Variants in GIN1 observed in about 807,000 individuals in gnomAD.
The protein encoded by GIN1 is gypsy retrotransposon integrase-like protein 1.
Under a neutral mutation model 51.4 loss-of-function variants are expected in GIN1, and 41 were observed. That is an observed-to-expected ratio of 0.80 (90% CI 0.62 to 1.04). The LOEUF is 1.04. Ranked by LOEUF, GIN1 falls within the 50% of genes least tolerant of loss-of-function variation. The probability of loss-of-function intolerance (pLI) is 0.00; values close to 1 mark genes in which losing one functional copy is unlikely to be tolerated. For synonymous variants in GIN1, 222 were observed against 206.5 expected (o/e 1.07, Z -0.64); for missense variants, 610 against 612.4 (o/e 1.00, Z 0.04).
chr5:103,111,103 T>G (rs1404935539), intron 1 of GIN1, among the ~76,000 whole-genome samples: 1 of 152,134 alleles, frequency 6.6e-6, no homozygotes, highest in Non-Finnish European at 1.5e-5. Flanking sequence ...CGTTTCAAGT[T>G]GGGAATATAG....
rs570788180 is a variant in GIN1, at chr5:103,086,600, C to T, written c.*1298G>A. The T allele has an allele frequency of 1.3e-5, 2 of 152,308 alleles. No individual in the cohort carries two copies. The highest frequency in any genetic ancestry group is 3.9e-4 in the East Asian group (2 of 5,192). 9.4% of individuals were successfully genotyped at this position (152,308 alleles called of 1,614,324 possible). On this transcript the variant is annotated 3_prime_UTR_variant, in exon 8 of 8. Transcript: ENST00000399004. ...ATCCATTTACCAAATCCTATACATT[C>T]TTCAAGGTCAAGCTTAAATGATCCT... is the stretch of plus-strand genomic sequence containing the variant.
At chr5:103,105,610 A>G (rs948520980) in intron 3 of GIN1, among the ~76,000 whole-genome samples, 2 of 152,212 alleles carry the variant, frequency 1.3e-5, no homozygotes, top group African/African-American at 2.4e-5. Context: ...GCTGTCCTGC[A>G]GCTTTCATTT....
intron 4 of GIN1, among the ~76,000 whole-genome samples, chr5:103,103,772 T>C (rs1455662728): frequency 6.6e-6 from 1 of 152,188 alleles, no homozygotes; most frequent in Non-Finnish European, 1.5e-5. Flanking sequence ...CCTTTACCTG[T>C]CAATCATAGT....
At chr5:103,112,296 G>A (rs997124889) in intron 1 of GIN1, among the ~76,000 whole-genome samples, 10 of 145,500 alleles carry the variant, frequency 6.9e-5, no homozygotes, top group Middle Eastern at 3.5e-3. Context: ...ATTTTTATAT[G>A]GGTGAGTTGT....
At chr5:103,095,167 T>G (rs1317137135) in intron 7 of GIN1, among the ~76,000 whole-genome samples, 4 of 152,256 alleles carry the variant, frequency 2.6e-5, no homozygotes, top group African/African-American at 9.6e-5. Context: ...TTCCATTAAA[T>G]GTTACTTATA....
At chr5:103,091,993 C>A (rs1787253053) in intron 7 of GIN1, among the ~76,000 whole-genome samples, 1 of 151,816 alleles carries the variant, frequency 6.6e-6, no homozygotes, top group Non-Finnish European at 1.5e-5. Context: ...CCATTGCACT[C>A]CAGCCTGTGT....
In GIN1 at chr5:103,106,836, C is replaced by A. The variant is rs1062032; in HGVS notation, c.213G>T (p.Lys71Asn). 1 of 1,602,436 alleles carries A rather than the reference C, an allele frequency of 6.2e-7. No individual in the cohort carries two copies. The highest frequency in any genetic ancestry group is 1.1e-5 in the South Asian group (1 of 89,426). The change falls in exon 3 of 8, where the codon AAG (lysine) becomes AAT (asparagine). Residue 71 changes from lysine to asparagine, a missense_variant. Transcript: ENST00000399004. ...TTTCATGGCATTCTCTTAAGACTTT[C>A]TTTTTTTCCTCTTCTGAAACAATTA... ...RLVIVSEEEK[K>N]KVLRECHEND... is the part of the protein sequence containing the mutation.
Position 103,097,677 on chromosome 5 carries a change from T to C in GIN1, c.744A>G (p.Ala248=). The C allele has an allele frequency of 4.4e-6, 7 of 1,606,186 alleles. No individual in the cohort carries two copies. The highest frequency in any genetic ancestry group is 4.5e-5 in the East Asian group (2 of 44,834). ...GGTCAGCACAGTGTTTGGAGAGAAA[T>C]GCTTTGATTGTGTTAGGTGTACTTT... is the stretch of plus-strand genomic sequence containing the variant. ...PTESTPNTIK[A]FLSKHCADHP... Residue 248 remains alanine, a synonymous_variant, in exon 5 of 8, where the codon GCA becomes GCG. Coordinates refer to ENST00000399004, the MANE Select transcript of GIN1 (RefSeq NM_017676.2).
At position 103,088,124 on chromosome 5, in the gene GIN1, A is replaced by G. The variant is rs186614992; in HGVS notation, c.1343T>C (p.Ile448Thr). Residue 448 changes from isoleucine (I) to threonine (T), a missense_variant, in exon 8 of 8, where the codon ATT becomes ACT. By Grantham distance (89) the Ile-to-Thr change is moderately conservative. Transcript: ENST00000399004. ...TCCAATCGGAATTTCAGGCAATCCA[A>G]TGTAGTCATGATCTGCCACTACTGA... ...QGSVVADHDY[I>T]GLPEIPIGAY... 51 of 1,608,066 alleles carry G rather than the reference A, an allele frequency of 3.2e-5. No individual in the cohort carries two copies. The African/African-American group carries it at 5.5e-4, about 17-fold the overall frequency.
intron 7 of GIN1, among the ~76,000 whole-genome samples, chr5:103,091,237 G>C (rs1787229234): frequency 6.6e-6 from 1 of 152,026 alleles, no homozygotes; most frequent in African/African-American, 2.4e-5. Flanking sequence ...GGATACACTG[G>C]ATTATATAAA....
chr5:103,116,738 A>G (rs1262576519), intron 1 of GIN1, among the ~76,000 whole-genome samples: 1 of 152,138 alleles, frequency 6.6e-6, no homozygotes, highest in East Asian at 1.9e-4. Flanking sequence ...GAAGCTTAAC[A>G]AGAAAGCAAA....
At chr5:103,096,294 C>T (rs573603511) in intron 7 of GIN1, among the ~76,000 whole-genome samples, 3 of 152,026 alleles carry the variant, frequency 2.0e-5, no homozygotes, top group South Asian at 2.1e-4. Flanking sequence ...GAGCCAAGAT[C>T]GCGCCATTGC....
In GIN1 at chr5:103,104,739, C is replaced by G. The variant is rs370231072; in HGVS notation, c.441G>C (p.Leu147=). ...ENPWSLVTVD[L]MGPFHTSNRS... ...TGTTGCTTGTATGAAAAGGCCCCAT[C>G]AGATCAACAGTAACTAAACTCCATG... Residue 147 remains leucine, a synonymous_variant, in exon 4 of 8, where the codon CTG becomes CTC. Coordinates refer to ENST00000399004, the MANE Select transcript of GIN1 (RefSeq NM_017676.2). The G allele has an allele frequency of 6.2e-7, 1 of 1,609,838 alleles. No homozygotes were observed. The highest frequency in any genetic ancestry group is 8.5e-7 in the Non-Finnish European group (1 of 1,176,304).
rs782122948 is a variant in GIN1 at position 103,106,776 on chromosome 5, G to A, written c.273C>T (p.Thr91=). The change falls in exon 3 of 8, where the codon ACC becomes ACT. Residue 91 remains threonine, a synonymous_variant. Coordinates refer to ENST00000399004, the MANE Select transcript of GIN1 (RefSeq NM_017676.2). ...AATAATTGGATTCTACCAGAGTGAGGGTCCTGGATATACCATGATGAGCTC... is the reference window on the plus strand; with the variant it reads ...AATAATTGGATTCTACCAGAGTGAGAGTCCTGGATATACCATGATGAGCTC... ...DSGAHHGISR[T]LTLVESNYYW... is the part of the protein sequence containing the mutation. 1.0e-5 allele frequency: 16 copies of A among 1,601,796 alleles called. No individual in the cohort carries two copies. In the African/African-American group the frequency reaches 1.5e-4, roughly 15 times the overall value.
At chr5:103,100,690 C>A in intron 4 of GIN1, among the ~76,000 whole-genome samples, 1 of 151,910 alleles carries the variant, frequency 6.6e-6, no homozygotes, top group Non-Finnish European at 1.5e-5. Context: ...CCATGCTTGG[C>A]CCTATTGTTA....
chr5:103,097,706 T>A lies in GIN1; in HGVS notation c.715A>T (p.Thr239Ser). The A allele has an allele frequency of 6.3e-7, 1 of 1,594,238 alleles. No individual in the cohort carries two copies. Among genetic ancestry groups the A allele is most frequent in the Non-Finnish European group, 8.6e-7 (1 of 1,161,744 alleles). ...ISHTSGTVNP[T>S]ESTPNTIKAF... ...TTGATTGTGTTAGGTGTACTTTCCG[T>A]TGGGTTAACAGTTCCAGAGGTGTGA... Residue 239 changes from threonine to serine, a missense_variant, in exon 5 of 8, where the codon ACG becomes TCG. Coordinates refer to ENST00000399004, the MANE Select transcript of GIN1 (RefSeq NM_017676.2).
At chr5:103,108,504 T>G in intron 2 of GIN1, 65 bp downstream of exon 2, 1 of 1,147,744 alleles carries the variant, frequency 8.7e-7, no homozygotes, top group Non-Finnish European at 1.3e-6. Flanking sequence ...TTCCCAAACT[T>G]CCACAAGGAA....
At chr5:103,091,349 G>A (rs1554194515) in intron 7 of GIN1, among the ~76,000 whole-genome samples, 1 of 151,980 alleles carries the variant, frequency 6.6e-6, no homozygotes, top group African/African-American at 2.4e-5. Flanking sequence ...TCATCTATTG[G>A]ACAACACTAA....
At chr5:103,090,844 C>T (rs1390522249) in intron 7 of GIN1, among the ~76,000 whole-genome samples, 1 of 151,764 alleles carries the variant, frequency 6.6e-6, no homozygotes, top group Non-Finnish European at 1.5e-5. Flanking sequence ...ATGGACATAC[C>T]AACCTCACTT....
Sources: allele counts gnomAD v4.1 joint callset (sites outside exome capture counted in the v4.1 genomes callset), GRCh38; gene constraint gnomAD v4.1.1; transcripts MANE v1.5; gene names NCBI Gene and HGNC (gene_info 2026-07-23, HGNC 2026-07-21).